The following NLRP8 variants were observed in gnomAD, a reference collection of about 807,000 sequenced individuals.
NLRP8 encodes the protein NACHT, LRR and PYD domains-containing protein 8.
In NLRP8, 86 loss-of-function variants were observed where a neutral mutation model predicts 88.7. That is an observed-to-expected ratio of 0.97 (90% CI 0.81 to 1.16). The LOEUF is 1.16. NLRP8 is among the 50% of genes most tolerant of loss of function. The pLI, the probability that NLRP8 is intolerant of heterozygous loss-of-function variation, is 0.00. For synonymous variants in NLRP8, 504 were observed against 494.6 expected (o/e 1.02, Z -0.25); for missense variants, 1,342 against 1,286.5 (o/e 1.04, Z -0.66).
chr19:55,954,697 G>A lies in NLRP8; in HGVS notation c.639G>A (p.Gly213=), dbSNP rs1018123044. Residue 213 remains glycine (G), a synonymous_variant, in exon 3 of 10, where the codon GGG becomes GGA. Coordinates refer to ENST00000291971, the MANE Select transcript of NLRP8 (RefSeq NM_176811.2). ...CCGTGGCCATACAGGGAGCTCCTGG[G>A]ATCGGAAAAACAATCCTGGCCAAAA... 6.2e-7 allele frequency: 1 copy of A among 1,614,144 alleles called. No individual in the cohort carries two copies. The highest frequency in any genetic ancestry group is 8.5e-7 in the Non-Finnish European group (1 of 1,180,028).
At chr19:55,974,782 C>T (rs571123256) in intron 7 of NLRP8, among the ~76,000 whole-genome samples, 1 of 151,576 alleles carries the variant, frequency 6.6e-6, no homozygotes, top group South Asian at 2.1e-4. Flanking sequence ...TTTACTGGGG[C>T]TCGTGGCATG....
chr19:55,947,930 A>G lies in NLRP8; in HGVS notation c.28A>G (p.Thr10Ala), dbSNP rs1978916290. The change falls in exon 1 of 10, where the codon ACC becomes GCC. Residue 10 changes from threonine (T) to alanine (A), a missense_variant. Physicochemically the swap from Thr to Ala is moderately conservative, Grantham distance 58. Coordinates refer to ENST00000291971, the MANE Select transcript of NLRP8 (RefSeq NM_176811.2). ...GAGTGACGTGAATCCACCCTCTGAC[A>G]CCCCCATTCCCTTTTCATCCTCCTC... The G allele has an allele frequency of 1.9e-6, 3 of 1,612,666 alleles. No individual in the cohort carries two copies. Among genetic ancestry groups the G allele is most frequent in the African/African-American group, 1.3e-5 (1 of 74,802 alleles).
At position 55,971,152 on chromosome 19, in the gene NLRP8, T is replaced by C. The variant is rs145527486; in HGVS notation, c.2534+456T>C. ...GTTTTGTGTTGCTTTGAATTTTACATAAAAGGGCCGGGCACGGTGGCTCAT... is the reference window on the plus strand; with the variant it reads ...GTTTTGTGTTGCTTTGAATTTTACACAAAAGGGCCGGGCACGGTGGCTCAT... On this transcript the variant is annotated intron_variant, in intron 6 of 9. Transcript: ENST00000291971. Among the ~76,000 whole-genome samples, 880 of 152,118 alleles carry C rather than the reference T, an allele frequency of 5.8e-3. 2 individuals carry two copies. The highest frequency in any genetic ancestry group is 0.02 in the Middle Eastern group (6 of 294).
intron 3 of NLRP8, among the ~76,000 whole-genome samples, chr19:55,957,681 ATATATATAT>A (rs1979432655): frequency 5.5e-3 from 15 of 2,752 alleles, no homozygotes; most frequent in African/African-American, 7.7e-3. Flanking sequence ...AATTATATAT[ATATATATAT>A]ATATATATAT....
chr19:55,959,993 C>T (rs1399780250), intron 3 of NLRP8, among the ~76,000 whole-genome samples: 1 of 152,158 alleles, frequency 6.6e-6, no homozygotes, highest in East Asian at 1.9e-4. Flanking sequence ...CTTTCAGACC[C>T]CAATAAAACT....
intron 9 of NLRP8, among the ~76,000 whole-genome samples, chr19:55,980,320 C>G (rs201052029): frequency 6.6e-6 from 1 of 152,146 alleles, no homozygotes; most frequent in African/African-American, 2.4e-5. Context: ...TGTTCTCAAC[C>G]AGTGGTGGGT....
chr19:55,957,734 T>C (rs1210078760), intron 3 of NLRP8, among the ~76,000 whole-genome samples: 1 of 135,846 alleles, frequency 7.4e-6, no homozygotes, highest in African/African-American at 2.8e-5. Context: ...TAAAATAAGG[T>C]TGTTAAACGT....
intron 9 of NLRP8, among the ~76,000 whole-genome samples, chr19:55,986,779 G>C (rs1030060084): frequency 6.6e-6 from 1 of 151,818 alleles, no homozygotes; most frequent in African/African-American, 2.4e-5. Flanking sequence ...ATTGCCAGCT[G>C]GCCCAGAGCT....
At chr19:55,982,744 C>T (rs566494608) in intron 9 of NLRP8, among the ~76,000 whole-genome samples, 1 of 152,258 alleles carries the variant, frequency 6.6e-6, no homozygotes, top group Non-Finnish European at 1.5e-5. Context: ...GAGTTAGTGA[C>T]CAGCCTGGGC....
At chr19:55,972,027 C>A (rs1212759144) in intron 6 of NLRP8, among the ~76,000 whole-genome samples, 3 of 152,028 alleles carry the variant, frequency 2.0e-5, no homozygotes, top group Non-Finnish European at 4.4e-5. Context: ...TATGTCTCTT[C>A]CTCAGCCGTC....
chr19:55,956,695 C>T (rs533484000), intron 3 of NLRP8, among the ~76,000 whole-genome samples: 11 of 152,146 alleles, frequency 7.2e-5, no homozygotes, highest in South Asian at 4.2e-4. Context: ...TAGGACTTTC[C>T]GTGCTAAACC....
In NLRP8 at chr19:55,954,747, A is replaced by G. The variant is rs1230177080; in HGVS notation, c.689A>G (p.Asn230Ser). 6.2e-7 allele frequency: 1 copy of G among 1,614,150 alleles called. No homozygotes were observed. Among genetic ancestry groups the G allele is most frequent in the Non-Finnish European group, 8.5e-7 (1 of 1,180,040 alleles). Residue 230 changes from asparagine to serine, a missense_variant, in exon 3 of 10, where the codon AAC becomes AGC. Coordinates refer to ENST00000291971, the MANE Select transcript of NLRP8 (RefSeq NM_176811.2). Reference sequence around the variant, plus strand: ...AAGGTGATGTTTGAGTGGGCCAGAAACAAGTTCTACGCCCACAAGCGCTGG... The same window carrying G: ...AAGGTGATGTTTGAGTGGGCCAGAAGCAAGTTCTACGCCCACAAGCGCTGG...
At chr19:55,959,281 G>A (rs575857565) in intron 3 of NLRP8, among the ~76,000 whole-genome samples, 2 of 150,144 alleles carry the variant, frequency 1.3e-5, no homozygotes, top group African/African-American at 2.5e-5. Context: ...GCGTGATCTC[G>A]GCTCACTGCA....
At position 55,954,726 on chromosome 19, in the gene NLRP8, T is replaced by C. The variant is rs1979253163; in HGVS notation, c.668T>C (p.Val223Ala). The change falls in exon 3 of 10, where the codon GTG becomes GCG. Residue 223 changes from valine (V) to alanine (A), a missense_variant. Transcript: ENST00000291971. Reference sequence around the variant, plus strand: ...GGAAAAACAATCCTGGCCAAAAAGGTGATGTTTGAGTGGGCCAGAAACAAG... The same window carrying C: ...GGAAAAACAATCCTGGCCAAAAAGGCGATGTTTGAGTGGGCCAGAAACAAG... 1 of 1,613,728 alleles carries C rather than the reference T, an allele frequency of 6.2e-7. No individual in the cohort carries two copies. Among genetic ancestry groups the C allele is most frequent in the African/African-American group, 1.3e-5 (1 of 74,814 alleles).
chr19:55,984,314 TA>T lies in NLRP8; in HGVS notation c.3048-3496del, dbSNP rs199892731. Among the ~76,000 whole-genome samples, 171 of 152,286 alleles carry T rather than the reference TA, an allele frequency of 1.1e-3. 1 individual carries two copies. The East Asian group carries it at 0.029, about 26-fold the overall frequency. On this transcript the variant is annotated intron_variant, in intron 9 of 9. Coordinates refer to ENST00000291971, the MANE Select transcript of NLRP8 (RefSeq NM_176811.2). ...TACTATTAAGCAGTTTTTAAAAGCATAAAATTTCTTTTATACTGGTGTCAAT... is the reference window on the plus strand; with the variant it reads ...TACTATTAAGCAGTTTTTAAAAGCATAAATTTCTTTTATACTGGTGTCAAT...
chr19:55,963,776 A>G (rs1979717221), intron 4 of NLRP8, among the ~76,000 whole-genome samples: 1 of 151,998 alleles, frequency 6.6e-6, no homozygotes, highest in African/African-American at 2.4e-5. Context: ...GCTGGCTTTG[A>G]ACTGCTGATC....
chr19:55,960,897 CTTTTTT>C (rs36087472), intron 3 of NLRP8, among the ~76,000 whole-genome samples: 1 of 91,006 alleles, frequency 1.1e-5, no homozygotes, highest in Non-Finnish European at 2.0e-5. Context: ...AACTATTTCT[CTTTTTT>C]TTTTTTTTTT....
At chr19:55,980,327 G>A (rs1980519646) in intron 9 of NLRP8, among the ~76,000 whole-genome samples, 1 of 152,164 alleles carries the variant, frequency 6.6e-6, no homozygotes, top group Non-Finnish European at 1.5e-5. Context: ...AACCAGTGGT[G>A]GGTTCTGGGT....
At chr19:55,987,044 C>G (rs2060541) in intron 9 of NLRP8, among the ~76,000 whole-genome samples, 1 of 152,184 alleles carries the variant, frequency 6.6e-6, no homozygotes, top group Non-Finnish European at 1.5e-5. Flanking sequence ...TTAGGTAAGT[C>G]TCTCGTCCTT....
Sources: allele counts gnomAD v4.1 joint callset (sites outside exome capture counted in the v4.1 genomes callset), GRCh38; gene constraint gnomAD v4.1.1; transcripts MANE v1.5; gene names NCBI Gene and HGNC (gene_info 2026-07-23, HGNC 2026-07-21).